The following PGAM5 variants were observed in gnomAD, a reference collection of about 807,000 sequenced individuals.
PGAM5 encodes the protein serine/threonine-protein phosphatase PGAM5, mitochondrial.
PGAM5 carries 25 observed loss-of-function variants against 30.6 expected under a neutral mutation model. The ratio of observed to expected loss-of-function variants is 0.82; its 90% CI spans 0.60 to 1.14. The LOEUF is 1.14. Ranked by LOEUF, PGAM5 falls within the 50% of genes most tolerant of loss-of-function variation. The pLI is 0.00. For synonymous variants in PGAM5, 201 were observed against 179.1 expected, an observed-to-expected ratio of 1.12 and a Z score of -0.98; for missense variants, 384 against 408.5, an observed-to-expected ratio of 0.94 and a Z score of 0.52.
intron 4 of PGAM5, 81 bp from the exon 5 acceptor site, chr12:132,717,906 C>G (rs146140910): frequency 1.3e-6 from 2 of 1,599,162 alleles, no homozygotes; most frequent in East Asian, 2.2e-5. Context: ...CGGGCTTCCC[C>G]GGGCGGCGAT....
chr12:132,711,059 C>T lies in PGAM5; in HGVS notation c.183C>T (p.Asn61=). The change falls in exon 1 of 6, where the codon AAC becomes AAT. Residue 61 remains asparagine, a synonymous_variant. Transcript: ENST00000498926. ...ARPGPGVWDP[N]WDRREPLSLI... Reference sequence around the variant, plus strand: ...CGGGCCCCGGTGTCTGGGACCCCAACTGGGACAGGTGCGCGCGGGGCTGTT... The same window carrying T: ...CGGGCCCCGGTGTCTGGGACCCCAATTGGGACAGGTGCGCGCGGGGCTGTT... 2 of 1,211,706 alleles carry T rather than the reference C, an allele frequency of 1.7e-6. No homozygotes were observed. The highest frequency in any genetic ancestry group is 2.1e-6 in the Non-Finnish European group (2 of 974,710). The allele number at this position is 1,211,706 out of a possible 1,614,324, so 75.1% of individuals were successfully genotyped here. A position where few individuals can be genotyped will look rare whatever the true frequency, so the allele number is the denominator to read the frequency against.
chr12:132,722,145 A>G lies in PGAM5; in HGVS notation c.*1317A>G, dbSNP rs2043651250. On this transcript the variant is annotated 3_prime_UTR_variant, in exon 6 of 6. Transcript: ENST00000498926. ...TGAGGTGACACGCTAGTGACAGCCC[A>G]ATAGGGGGTTACCCTTATTGAGTAA... is the stretch of plus-strand genomic sequence containing the variant. The G allele has an allele frequency of 6.6e-6, 1 of 152,234 alleles. No homozygotes were observed. Among genetic ancestry groups the G allele is most frequent in the African/African-American group, 2.4e-5 (1 of 41,462 alleles). The allele number at this position is 152,234 out of a possible 1,614,324, so 9.4% of individuals were successfully genotyped here.
At chr12:132,711,776 C>A (rs532738274) in intron 1 of PGAM5, 12 of 150,642 alleles carry the variant, frequency 8.0e-5, no homozygotes, top group African/African-American at 2.7e-4. Flanking sequence ...AGCAACAGAG[C>A]CTGTCTCAAA....
chr12:132,720,509 G>A (rs963930928), intron 5 of PGAM5, among the ~76,000 whole-genome samples, 169 bp from the exon 6 acceptor site: 11 of 151,982 alleles, frequency 7.2e-5, no homozygotes, highest in Admixed American at 1.3e-4. Context: ...GGGTTTCACC[G>A]TGTTAGCTGG....
chr12:132,716,726 A>G (rs1252324093), intron 2 of PGAM5, among the ~76,000 whole-genome samples: 2 of 152,220 alleles, frequency 1.3e-5, no homozygotes, highest in Non-Finnish European at 2.9e-5. Context: ...TAGAGTTTAC[A>G]TTTTGAAAAG....
intron 5 of PGAM5, 69 bp downstream of exon 5, chr12:132,718,189 C>G: frequency 1.9e-6 from 3 of 1,581,344 alleles, no homozygotes; most frequent in Non-Finnish European, 2.6e-6. Flanking sequence ...GAGGAAGAAG[C>G]CGAGCGAGAC....
At position 132,721,888 on chromosome 12, in the gene PGAM5, C is replaced by G. The variant is rs1400561073; in HGVS notation, c.*1060C>G. On this transcript the variant is annotated 3_prime_UTR_variant, in exon 6 of 6. Transcript: ENST00000498926. ...AAAGTGCTGGGATTAAAGGTGTGAG[C>G]CATCGTGCCTGGCCTAAAAAATTTT... 1 of 152,190 alleles carries G rather than the reference C, an allele frequency of 6.6e-6. No individual in the cohort carries two copies. The highest frequency in any genetic ancestry group is 6.5e-5 in the Admixed American group (1 of 15,274). The allele number at this position is 152,190 out of a possible 1,614,324, so 9.4% of individuals were successfully genotyped here.
rs7486453 is a variant in PGAM5 at position 132,710,873 on chromosome 12, C to T, written c.-4C>T. ...CTGCGCGGGCCGGCGCGGGAGCAAG[C>T]GGCATGGCGTTCCGGCAGGCGCTGC... On this transcript the variant is annotated 5_prime_UTR_variant, in exon 1 of 6. Coordinates refer to ENST00000498926, the MANE Select transcript of PGAM5 (RefSeq NM_001170543.2). 0.47 allele frequency: 535,012 copies of T among 1,127,558 alleles called. 131,844 individuals carry two copies. Among genetic ancestry groups the T allele is most frequent in the Non-Finnish European group, 0.5 (464,163 of 922,488 alleles). The allele number at this position is 1,127,558 out of a possible 1,614,324, so 69.8% of individuals were successfully genotyped here.
At chr12:132,714,790 CATCTT>C in intron 1 of PGAM5, 63 bp from the exon 2 acceptor site, 1 of 1,543,388 alleles carries the variant, frequency 6.5e-7, no homozygotes, top group Non-Finnish European at 8.9e-7. Context: ...TTGGAAATAA[CATCTT>C]GTCAGAAAAA....
Position 132,717,554 on chromosome 12 carries a change from G to C in PGAM5, c.486G>C (p.Arg162=), listed in dbSNP as rs1407714276. 1.2e-6 allele frequency: 2 copies of C among 1,610,528 alleles called. No homozygotes were observed. Among genetic ancestry groups the C allele is most frequent in the Non-Finnish European group, 8.5e-7 (1 of 1,179,884 alleles). The change falls in exon 3 of 6, where the codon CGG becomes CGC. Residue 162 remains arginine, a synonymous_variant. Transcript: ENST00000498926. The part of the protein sequence containing the change: ...RAIETTDIIS[R]HLPGVCKVST... ...TAGAGACCACCGATATCATCAGCCG[G>C]CACCTGCCAGGTGAGTGCTGCGCGC...
rs1230977296 is a variant in PGAM5, at chr12:132,722,604, A to T, written c.*1776A>T. 1 of 152,160 alleles carries T rather than the reference A, an allele frequency of 6.6e-6. No homozygotes were observed. The highest frequency in any genetic ancestry group is 1.5e-5 in the Non-Finnish European group (1 of 68,042). 9.4% of individuals were successfully genotyped at this position (152,160 alleles called of 1,614,324 possible). A position where few individuals can be genotyped will look rare whatever the true frequency, so the allele number is the denominator to read the frequency against. ...ACCCAGATATGCTGTTAATTTAGGA[A>T]AAACAGTACAATTTCTATGAAGTGG... On this transcript the variant is annotated 3_prime_UTR_variant, in exon 6 of 6. Coordinates refer to ENST00000498926, the MANE Select transcript of PGAM5 (RefSeq NM_001170543.2).
intron 2 of PGAM5, among the ~76,000 whole-genome samples, chr12:132,716,164 C>T (rs2043575669): frequency 6.6e-6 from 1 of 151,966 alleles, no homozygotes; most frequent in Admixed American, 6.5e-5. Context: ...TGGCCCGCTG[C>T]AACCTTTGCC....
chr12:132,718,824 C>A, intron 5 of PGAM5: 2 of 1,613,470 alleles, frequency 1.2e-6, no homozygotes, highest in Non-Finnish European at 1.7e-6. Flanking sequence ...CTTTCACTTG[C>A]TGATCTGTGG....
chr12:132,711,188 T>TGCTTTCCCCAGCGGAGGAGCC, intron 1 of PGAM5, 121 bp downstream of exon 1: 1 of 787,056 alleles, frequency 1.3e-6, no homozygotes. Flanking sequence ...GGTCGCCGTC[T>TGCTTTCCCCAGCGGAGGAGCC]GCTTTCCCCA....
At chr12:132,719,027 C>T in intron 5 of PGAM5, 2 of 1,430,668 alleles carry the variant, frequency 1.4e-6, no homozygotes, top group Non-Finnish European at 1.8e-6. Context: ...CACCACCCTG[C>T]AATCAGCCAC....
At chr12:132,711,124 C>T in intron 1 of PGAM5, 57 bp downstream of exon 1, 1 of 1,157,060 alleles carries the variant, frequency 8.6e-7, no homozygotes, top group Admixed American at 4.5e-5. Context: ...CAGGTGTTAC[C>T]GTTGGGATCG....
Position 132,710,916 on chromosome 12 carries a change from C to A in PGAM5, c.40C>A (p.Leu14Met). 3 of 1,153,718 alleles carry A rather than the reference C, an allele frequency of 2.6e-6. No individual in the cohort carries two copies. The highest frequency in any genetic ancestry group is 3.2e-6 in the Non-Finnish European group (3 of 939,096). The allele number at this position is 1,153,718 out of a possible 1,614,324, so 71.5% of individuals were successfully genotyped here. A position where few individuals can be genotyped will look rare whatever the true frequency, so the allele number is the denominator to read the frequency against. The change falls in exon 1 of 6, where the codon CTG (leucine) becomes ATG (methionine). Residue 14 changes from leucine to methionine, a missense_variant. By Grantham distance (15) the Leu-to-Met change is conservative. Coordinates refer to ENST00000498926, the MANE Select transcript of PGAM5 (RefSeq NM_001170543.2). ...RQALQLAACG[L>M]AGGSAAVLFS... is the part of the protein sequence containing the mutation. The stretch of plus-strand genomic sequence containing the variant: ...GGCGCTGCAGCTGGCGGCCTGCGGG[C>A]TGGCCGGGGGCTCGGCCGCCGTGCT...
chr12:132,717,487 T>C lies in PGAM5; in HGVS notation c.419T>C (p.Leu140Ser). The change falls in exon 3 of 6, where the codon TTG (leucine) becomes TCG (serine). Residue 140 changes from leucine to serine, a missense_variant. Physicochemically the swap from Leu to Ser is moderately radical, Grantham distance 145. Coordinates refer to ENST00000498926, the MANE Select transcript of PGAM5 (RefSeq NM_001170543.2). Reference sequence around the variant, plus strand: ...GGGCTCCGCCTGGCAAGCTTGGGGTTGAAGTTTAATAAAATCGTCCATTCG... The same window carrying C: ...GGGCTCCGCCTGGCAAGCTTGGGGTCGAAGTTTAATAAAATCGTCCATTCG... ...LTGLRLASLG[L>S]KFNKIVHSSM... 6.2e-7 allele frequency: 1 copy of C among 1,610,458 alleles called. No homozygotes were observed. The highest frequency in any genetic ancestry group is 8.5e-7 in the Non-Finnish European group (1 of 1,179,892).
intron 2 of PGAM5, among the ~76,000 whole-genome samples, chr12:132,715,776 G>A (rs1295777925): frequency 6.6e-6 from 1 of 151,794 alleles, no homozygotes; most frequent in Admixed American, 6.6e-5. Flanking sequence ...CTACTAAGGA[G>A]GCTGAGACAG....
Sources: gnomAD v4.1 joint callset for allele counts (sites outside exome capture counted in the v4.1 genomes callset) on GRCh38, gnomAD v4.1.1 for gene constraint, MANE v1.5 for transcripts, NCBI Gene and HGNC (gene_info 2026-07-23, HGNC 2026-07-21) for gene names.